Variants in MICAL2 observed in about 807,000 individuals in gnomAD.
The protein encoded by MICAL2 is microtubule associated monooxygenase, calponin and LIM domain containing 2, also known as [F-actin]-monooxygenase MICAL2.
Under a neutral mutation model 127.3 loss-of-function variants are expected in MICAL2, and 77 were observed. The observed-to-expected ratio is 0.60, with a 90% CI of 0.50 to 0.73. MICAL2 has a LOEUF of 0.73. Among genes scored for constraint, MICAL2 ranks in the 30% least tolerant of loss-of-function variants. The pLI is 0.00. For synonymous variants in MICAL2, 570 were observed against 551.1 expected (o/e 1.03, Z -0.48); for missense variants, 1,351 against 1,434.4 (o/e 0.94, Z 0.94).
intron 2 of MICAL2, chr11:12,281,181 G>A (rs1387729211): frequency 5.0e-6 from 2 of 398,422 alleles, no homozygotes; most frequent in Admixed American, 4.4e-5. Context: ...CCTCTTGGAG[G>A]ACCAGGTGAC....
Position 12,220,334 on chromosome 11 carries a change from A to G in MICAL2, c.1082A>G (p.Tyr361Cys), listed in dbSNP as rs143372192. 6.2e-7 allele frequency: 1 copy of G among 1,614,168 alleles called. No homozygotes were observed. Among genetic ancestry groups the G allele is most frequent in the Non-Finnish European group, 8.5e-7 (1 of 1,180,028 alleles). The change falls in exon 9 of 28, where the codon TAT (tyrosine) becomes TGT (cysteine). Residue 361 changes from tyrosine (Y) to cysteine (C), a missense_variant. Physicochemically the swap from Tyr to Cys is radical, Grantham distance 194 (BLOSUM62 -2). Coordinates refer to ENST00000683283, the MANE Select transcript of MICAL2 (RefSeq NM_001282663.2). ...TCCTTAGACTTTGCCATGAACCACT[A>G]TGGGCAGCCTGATGTGGCCATGTTT... is the stretch of plus-strand genomic sequence containing the variant. The part of the protein sequence containing the change: ...LPSLDFAMNH[Y>C]GQPDVAMFDF...
intron 29 of MICAL2, among the ~76,000 whole-genome samples, chr11:12,309,844 T>C (rs1047043729): frequency 2.6e-5 from 4 of 152,180 alleles, no homozygotes; most frequent in African/African-American, 9.6e-5. Context: ...CATTTTTGAT[T>C]TTTTGGTCTT....
At chr11:12,139,384 G>A (rs1373714672) in intron 2 of MICAL2, among the ~76,000 whole-genome samples, 1 of 152,184 alleles carries the variant, frequency 6.6e-6, no homozygotes, top group Non-Finnish European at 1.5e-5. Context: ...TGTGAGCCTT[G>A]GCAGGGCGTT....
intron 3 of MICAL2, among the ~76,000 whole-genome samples, chr11:12,169,378 TTTTA>T (rs142205850): frequency 0.92 from 139,788 of 151,292 alleles, 65,378 homozygotes; most frequent in Non-Finnish European, 1. Context: ...GCACCATCTC[TTTTA>T]TTTATTTATT....
chr11:12,120,619 G>A (rs1850427474), intron 1 of MICAL2, among the ~76,000 whole-genome samples: 2 of 152,186 alleles, frequency 1.3e-5, no homozygotes, highest in Admixed American at 6.5e-5. Context: ...GAAGGGTATT[G>A]GAAGATAGGT....
chr11:12,303,814 A>C (rs1864076957), intron 29 of MICAL2: 1 of 152,204 alleles, frequency 6.6e-6, no homozygotes, highest in African/African-American at 2.4e-5. Context: ...GAGGAAGAGG[A>C]TTGCTTGAGT....
At chr11:12,246,165 C>A (rs17480544) in intron 21 of MICAL2, among the ~76,000 whole-genome samples, 1 of 152,218 alleles carries the variant, frequency 6.6e-6, no homozygotes, top group Non-Finnish European at 1.5e-5. Context: ...TTCTAAGAGA[C>A]GGCAGGGAGC....
chr11:12,136,220 C>G (rs184900929), intron 1 of MICAL2, among the ~76,000 whole-genome samples: 2 of 152,230 alleles, frequency 1.3e-5, no homozygotes, highest in Admixed American at 1.3e-4. Context: ...GGAGAGACAG[C>G]ATTTCTTCAT....
chr11:12,280,495 G>T (rs940480448), intron 1 of MICAL2, among the ~76,000 whole-genome samples: 12 of 152,322 alleles, frequency 7.9e-5, no homozygotes, highest in Non-Finnish European at 1.5e-4. Context: ...TGTGGGCAGG[G>T]TTGGTTCCTA....
intron 8 of MICAL2, 53 bp from the exon 9 acceptor site, chr11:12,220,148 A>G (rs1856645455): frequency 6.2e-7 from 1 of 1,604,414 alleles, no homozygotes; most frequent in Non-Finnish European, 8.5e-7. Context: ...GTGGGTATGA[A>G]GGCTAGCCCT....
intron 3 of MICAL2, among the ~76,000 whole-genome samples, chr11:12,204,034 C>G (rs1854355521): frequency 6.6e-6 from 1 of 152,200 alleles, no homozygotes; most frequent in Non-Finnish European, 1.5e-5. Context: ...TACCTCTGCA[C>G]TCCTCACAGG....
intron 29 of MICAL2, among the ~76,000 whole-genome samples, chr11:12,312,599 G>T (rs1310130392): frequency 2.6e-5 from 4 of 152,136 alleles, no homozygotes; most frequent in Admixed American, 6.5e-5. Context: ...CAGGAGAAAA[G>T]GCATACAAAT....
intron 29 of MICAL2, among the ~76,000 whole-genome samples, chr11:12,313,961 A>ATTTTTTTTTTTTTT (rs60681621): frequency 4.6e-5 from 2 of 43,780 alleles, no homozygotes; most frequent in Non-Finnish European, 8.6e-5. Flanking sequence ...TCTTGGTCTG[A>ATTTTTTTTTTTTTT]TTTTTTTTTT....
intron 2 of MICAL2, among the ~76,000 whole-genome samples, chr11:12,155,730 A>G (rs956575453): frequency 2.0e-5 from 3 of 152,226 alleles, no homozygotes; most frequent in Admixed American, 2.0e-4. Context: ...TACCTCCCCC[A>G]CGTCCACATA....
At chr11:12,229,213 C>A (rs1379062980) in intron 15 of MICAL2, among the ~76,000 whole-genome samples, 1 of 152,176 alleles carries the variant, frequency 6.6e-6, no homozygotes, top group East Asian at 1.9e-4. Flanking sequence ...TTGCCAACCC[C>A]AGGAGCAGGA....
chr11:12,304,761 G>A (rs576320071), intron 29 of MICAL2, among the ~76,000 whole-genome samples: 54 of 151,850 alleles, frequency 3.6e-4, no homozygotes, highest in Non-Finnish European at 5.6e-4. Flanking sequence ...TCTGTTTTGG[G>A]TCCTTCTCTT....
At chr11:12,145,014 G>A (rs192612023) in intron 2 of MICAL2, among the ~76,000 whole-genome samples, 1 of 152,290 alleles carries the variant, frequency 6.6e-6, no homozygotes, top group African/African-American at 2.4e-5. Context: ...TTTTCCGTGG[G>A]CAGAGAGCTC....
chr11:12,360,573 A>G (rs1009995711), downstream of MICAL2, among the ~76,000 whole-genome samples: 1 of 152,244 alleles, frequency 6.6e-6, no homozygotes, highest in Non-Finnish European at 1.5e-5. Context: ...TGATGCCTGC[A>G]TACACTTAAC....
chr11:12,358,057 G>A (rs1939155452), intron 34 of MICAL2, among the ~76,000 whole-genome samples: 1 of 152,068 alleles, frequency 6.6e-6, no homozygotes. Flanking sequence ...CTTACAAAGG[G>A]GTTTTCCCTG....
Sources: allele counts gnomAD v4.1 joint callset (sites outside exome capture counted in the v4.1 genomes callset), GRCh38; gene constraint gnomAD v4.1.1; transcripts MANE v1.5; gene names NCBI Gene and HGNC (gene_info 2026-07-23, HGNC 2026-07-21).